Variants in WDR27 observed in about 807,000 individuals in gnomAD.
WDR27 encodes WD repeat domain 27, also known as WD repeat-containing protein 27.
Under a neutral mutation model 114.4 loss-of-function variants are expected in WDR27, and 100 were observed. The ratio of observed to expected loss-of-function variants is 0.87; its 90% confidence interval spans 0.74 to 1.03. The LOEUF (loss-of-function observed/expected upper bound fraction) is 1.03. Ranked by LOEUF, WDR27 falls within the 50% of genes least tolerant of loss-of-function variation. The pLI is 0.00. For synonymous variants in WDR27, 449 were observed against 423.1 expected (o/e 1.06, Z -0.75); for missense variants, 1,129 against 1,092.9 (o/e 1.03, Z -0.47).
At chr6:169,674,376 A>G (rs1010214217) in intron 2 of WDR27, among the ~76,000 whole-genome samples, 27 of 152,380 alleles carry the variant, frequency 1.8e-4, no homozygotes, top group African/African-American at 6.3e-4. Flanking sequence ...GTAGAGGCAT[A>G]GAAGATATTT....
intron 25 of WDR27, among the ~76,000 whole-genome samples, chr6:169,481,492 G>A (rs537866728): frequency 2.0e-5 from 3 of 152,258 alleles, no homozygotes; most frequent in African/African-American, 2.4e-5. Flanking sequence ...TTCACTCTTC[G>A]CAATAAATCT....
chr6:169,481,305 T>A (rs1017772639), intron 25 of WDR27, among the ~76,000 whole-genome samples: 1 of 152,150 alleles, frequency 6.6e-6, no homozygotes, highest in Non-Finnish European at 1.5e-5. Context: ...AATGGACCAA[T>A]CAGCTCTCTG....
chr6:169,567,918 G>A (rs1377160936), intron 25 of WDR27, among the ~76,000 whole-genome samples: 1 of 152,176 alleles, frequency 6.6e-6, no homozygotes, highest in East Asian at 1.9e-4. Flanking sequence ...TTGTACCCCA[G>A]CCACTCTGCA....
chr6:169,615,646 A>G (rs989502402), intron 21 of WDR27, among the ~76,000 whole-genome samples: 25 of 152,220 alleles, frequency 1.6e-4, no homozygotes, highest in African/African-American at 6.0e-4. Flanking sequence ...GATGGATTAG[A>G]CTTAAATGCA....
the WDR27 span, among the ~76,000 whole-genome samples, chr6:169,438,495 C>T: frequency 1.3e-5 from 2 of 152,148 alleles, no homozygotes; most frequent in Non-Finnish European, 2.9e-5. Flanking sequence ...CCTCGGCCTC[C>T]CAAAGTGCTG....
chr6:169,497,206 C>T (rs1790517975), intron 25 of WDR27, among the ~76,000 whole-genome samples: 1 of 152,042 alleles, frequency 6.6e-6, no homozygotes, highest in South Asian at 2.1e-4. Context: ...GCTGGCAAAG[C>T]TGTGTATTAA....
intron 3 of WDR27, chr6:169,672,018 T>C (rs1778864723): frequency 2.6e-6 from 1 of 380,390 alleles, no homozygotes. Flanking sequence ...AATGAGCCTA[T>C]AAGATCAGCA....
chr6:169,514,137 G>T (rs1793310329), intron 25 of WDR27, among the ~76,000 whole-genome samples: 1 of 151,892 alleles, frequency 6.6e-6, no homozygotes, highest in African/African-American at 2.4e-5. Flanking sequence ...AAACTAACAA[G>T]ACTATTGTAA....
chr6:169,509,105 A>G (rs2115520322), intron 25 of WDR27, among the ~76,000 whole-genome samples: 1 of 152,322 alleles, frequency 6.6e-6, no homozygotes, highest in Admixed American at 6.5e-5. Context: ...GAGAACTACA[A>G]ACCACTGCTC....
intron 1 of WDR27, among the ~76,000 whole-genome samples, chr6:169,689,662 A>C (rs1783941695): frequency 1.3e-5 from 2 of 152,250 alleles, no homozygotes; most frequent in South Asian, 4.1e-4. Flanking sequence ...CTTTACACTT[A>C]ACTTCACAGC....
In WDR27 at chr6:169,637,393, G is replaced by T. The variant is rs1001412110; in HGVS notation, c.1870-889C>A. Among the ~76,000 whole-genome samples the T allele has an allele frequency of 1.1e-4, 16 of 152,244 alleles. 1 individual carries two copies. The highest frequency in any genetic ancestry group is 9.8e-4 in the Admixed American group (15 of 15,282). ...GCAGACCATAACAAACATAAGGATA[G>T]ATTTAACCATATGAATGTATGCATG... On this transcript the variant is annotated intron_variant, in intron 18 of 25. Coordinates refer to ENST00000448612, the MANE Select transcript of WDR27 (RefSeq NM_182552.5).
the WDR27 span, among the ~76,000 whole-genome samples, chr6:169,438,026 A>T: frequency 1.3e-5 from 2 of 152,130 alleles, no homozygotes; most frequent in Non-Finnish European, 2.9e-5. Context: ...AGTACCCAAT[A>T]GGTAGTTTTT....
chr6:169,503,536 C>T (rs1392856677), intron 25 of WDR27, among the ~76,000 whole-genome samples: 1 of 152,174 alleles, frequency 6.6e-6, no homozygotes, highest in African/African-American at 2.4e-5. Flanking sequence ...AGAGCCGTCC[C>T]CAGACACTAC....
At chr6:169,441,801 C>T in the WDR27 span, among the ~76,000 whole-genome samples, 1 of 152,186 alleles carries the variant, frequency 6.6e-6, no homozygotes, top group African/African-American at 2.4e-5. Flanking sequence ...CTGAAGACCA[C>T]CTAGTCTGTG....
At chr6:169,530,618 C>T (rs1046371870) in intron 25 of WDR27, among the ~76,000 whole-genome samples, 1 of 152,194 alleles carries the variant, frequency 6.6e-6, no homozygotes, top group African/African-American at 2.4e-5. Flanking sequence ...ACCCACGTTA[C>T]ATAGGAGACT....
At chr6:169,610,427 A>T (rs543363538) in intron 22 of WDR27, among the ~76,000 whole-genome samples, 2 of 152,334 alleles carry the variant, frequency 1.3e-5, no homozygotes, top group East Asian at 3.9e-4. Context: ...GCCCCGTCTT[A>T]CATGGTTGGC....
At chr6:169,479,251 A>G (rs1787611605) in intron 25 of WDR27, among the ~76,000 whole-genome samples, 2 of 152,234 alleles carry the variant, frequency 1.3e-5, no homozygotes, top group South Asian at 4.1e-4. Flanking sequence ...ATCTCAAAAG[A>G]AGACATACAA....
At chr6:169,610,919 A>T (rs1438264266) in intron 22 of WDR27, among the ~76,000 whole-genome samples, 3 of 152,206 alleles carry the variant, frequency 2.0e-5, no homozygotes, top group African/African-American at 7.2e-5. Flanking sequence ...GTGGGTGAGG[A>T]ATAAAAAATG....
chr6:169,473,186 T>G (rs1174907569), intron 25 of WDR27, among the ~76,000 whole-genome samples: 1 of 152,192 alleles, frequency 6.6e-6, no homozygotes, highest in Admixed American at 6.5e-5. Context: ...CACTTTGAAT[T>G]TGGCTAGGAA....
Sources: allele counts gnomAD v4.1 joint callset (sites outside exome capture counted in the v4.1 genomes callset), GRCh38; gene constraint gnomAD v4.1.1; transcripts MANE v1.5; gene names NCBI Gene and HGNC (gene_info 2026-07-23, HGNC 2026-07-21).